Variants in NRXN3 observed in about 807,000 individuals in gnomAD.
The protein encoded by NRXN3 is neurexin III.
In NRXN3, 32 loss-of-function variants were observed where a neutral mutation model predicts 137.6. The ratio of observed to expected loss-of-function variants is 0.23; its 90% CI spans 0.18 to 0.31. NRXN3 has a LOEUF of 0.31. NRXN3 is among the 10% of genes least tolerant of loss of function. NRXN3 has a pLI of 1.00. For synonymous variants in NRXN3, 798 were observed against 784.5 expected, an observed-to-expected ratio of 1.02 and a Z score of -0.29; for missense variants, 1,574 against 2,062.5, an observed-to-expected ratio of 0.76 and a Z score of 4.59.
At chr14:78,554,288 G>T (rs542042607) in intron 4 of NRXN3, among the ~76,000 whole-genome samples, 1 of 152,146 alleles carries the variant, frequency 6.6e-6, no homozygotes. Context: ...ACCAAGCGAG[G>T]TGCCATTGGA....
At chr14:78,443,887 G>C (rs533293948) in intron 4 of NRXN3, among the ~76,000 whole-genome samples, 1 of 152,240 alleles carries the variant, frequency 6.6e-6, no homozygotes, top group Admixed American at 6.5e-5. Context: ...CTGTCATCAG[G>C]GAACAGTTAG....
intron 4 of NRXN3, among the ~76,000 whole-genome samples, chr14:78,455,510 C>T (rs531650131): frequency 5.3e-5 from 8 of 152,276 alleles, no homozygotes; most frequent in South Asian, 2.1e-4. Context: ...CAGCAGTGCC[C>T]GATTTAGTAC....
chr14:79,594,782 G>T (rs890135685), intron 16 of NRXN3, among the ~76,000 whole-genome samples: 1 of 152,110 alleles, frequency 6.6e-6, no homozygotes, highest in South Asian at 2.1e-4. Context: ...GTCCTCGGGG[G>T]TTTGCATAAC....
intron 1 of NRXN3, among the ~76,000 whole-genome samples, chr14:78,173,307 A>G (rs1358609128): frequency 6.6e-6 from 1 of 151,918 alleles, no homozygotes; most frequent in Non-Finnish European, 1.5e-5. Context: ...GAGAAAAAAA[A>G]GAGAGAGGGA....
chr14:78,171,946 G>A (rs1206102930), intron 1 of NRXN3, among the ~76,000 whole-genome samples: 2 of 152,034 alleles, frequency 1.3e-5, no homozygotes, highest in Admixed American at 6.5e-5. Context: ...AGCTTAGGAT[G>A]GAGCAAGATA....
intron 16 of NRXN3, among the ~76,000 whole-genome samples, chr14:79,590,524 AAG>A (rs986359883): frequency 2.6e-5 from 4 of 151,840 alleles, no homozygotes; most frequent in African/African-American, 9.7e-5. Flanking sequence ...GACACTGTTG[AAG>A]AGTATGTCAC....
chr14:78,527,471 C>T (rs908218106), intron 4 of NRXN3, among the ~76,000 whole-genome samples: 1 of 152,168 alleles, frequency 6.6e-6, no homozygotes, highest in Non-Finnish European at 1.5e-5. Flanking sequence ...ACTCCACTCC[C>T]ATGATCCAAC....
chr14:78,750,553 C>T (rs887358651), intron 8 of NRXN3, among the ~76,000 whole-genome samples: 2 of 152,088 alleles, frequency 1.3e-5, no homozygotes, highest in Non-Finnish European at 2.9e-5. Flanking sequence ...AGCTGTATGT[C>T]AATAAGGTCT....
chr14:79,174,103 A>G (rs899441797), intron 15 of NRXN3, among the ~76,000 whole-genome samples: 2 of 152,134 alleles, frequency 1.3e-5, no homozygotes, highest in African/African-American at 4.8e-5. Flanking sequence ...GAGTTATTTT[A>G]CTATGGGGAG....
chr14:78,530,492 T>C (rs537140185), intron 4 of NRXN3, among the ~76,000 whole-genome samples: 1 of 152,224 alleles, frequency 6.6e-6, no homozygotes, highest in Non-Finnish European at 1.5e-5. Context: ...TGGAAAAGGG[T>C]TGCCCTGGAA....
chr14:78,645,555 T>C (rs1350890202), intron 5 of NRXN3, 134 bp downstream of exon 5: 1 of 650,022 alleles, frequency 1.5e-6, no homozygotes, highest in Non-Finnish European at 2.4e-6. Context: ...TCTAACTTTC[T>C]CCCAGTCTTT....
At chr14:79,690,631 T>C (rs1458608192) in intron 17 of NRXN3, among the ~76,000 whole-genome samples, 1 of 152,136 alleles carries the variant, frequency 6.6e-6, no homozygotes, top group Non-Finnish European at 1.5e-5. Flanking sequence ...AGTAAAGATA[T>C]GAGTCAGCTT....
chr14:78,848,357 C>A (rs903454410), intron 10 of NRXN3, among the ~76,000 whole-genome samples: 4 of 152,046 alleles, frequency 2.6e-5, no homozygotes, highest in Non-Finnish European at 5.9e-5. Context: ...GAAGCTTTGG[C>A]AAAAGCTGAT....
At chr14:78,896,748 T>C (rs1039122689) in intron 10 of NRXN3, among the ~76,000 whole-genome samples, 6 of 151,912 alleles carry the variant, frequency 3.9e-5, no homozygotes. Context: ...TGTTTATCAA[T>C]AAGTTGGAAA....
intron 10 of NRXN3, among the ~76,000 whole-genome samples, chr14:78,883,590 C>A (rs997755380): frequency 1.3e-5 from 2 of 152,138 alleles, no homozygotes; most frequent in Middle Eastern, 3.2e-3. Flanking sequence ...GGAATAATTT[C>A]CTCTTATGTT....
chr14:79,824,537 G>A (rs1195981998), intron 20 of NRXN3, among the ~76,000 whole-genome samples: 1 of 152,172 alleles, frequency 6.6e-6, no homozygotes, highest in East Asian at 1.9e-4. Flanking sequence ...AGCAATTTTG[G>A]AGGAGGCAGA....
At chr14:78,482,993 C>G (rs2095499013) in intron 4 of NRXN3, among the ~76,000 whole-genome samples, 2 of 152,116 alleles carry the variant, frequency 1.3e-5, no homozygotes, top group African/African-American at 4.8e-5. Context: ...GTCTCCATCC[C>G]CAGCATCTGA....
intron 20 of NRXN3, chr14:79,824,041 CAG>C (rs996522237): frequency 5.5e-6 from 2 of 365,020 alleles, no homozygotes; most frequent in Admixed American, 5.0e-5. Flanking sequence ...TGGCTTTCAC[CAG>C]AGTCTTGGGA....
At chr14:79,117,009 A>T (rs912911268) in intron 15 of NRXN3, among the ~76,000 whole-genome samples, 42 of 152,364 alleles carry the variant, frequency 2.8e-4, no homozygotes, top group African/African-American at 9.4e-4. Context: ...AATAATTGAC[A>T]TACCTTTATC....
Sources: allele counts gnomAD v4.1 joint callset (sites outside exome capture counted in the v4.1 genomes callset), GRCh38; gene constraint gnomAD v4.1.1; transcripts MANE v1.5; gene names NCBI Gene and HGNC (gene_info 2026-07-23, HGNC 2026-07-21).